SLC2A13: variants seen among roughly 807,000 people sequenced by gnomAD.
SLC2A13 encodes solute carrier family 2 member 13, also known as proton myo-inositol cotransporter.
SLC2A13 carries 32 observed loss-of-function variants against 64.4 expected under a neutral mutation model. The observed-to-expected ratio is 0.50, with a 90% CI of 0.37 to 0.67. SLC2A13 has a LOEUF of 0.67. SLC2A13 is among the 30% of genes least tolerant of loss of function. The pLI is 0.00. For missense variants in SLC2A13, 743 were observed against 829.2 expected (o/e 0.90, Z 1.28); for synonymous variants, 338 against 327.1 (o/e 1.03, Z -0.36).
chr12:39,918,844 T>A (rs1945563522), intron 4 of SLC2A13, among the ~76,000 whole-genome samples: 1 of 105,494 alleles, frequency 9.5e-6, no homozygotes, highest in Non-Finnish European at 1.9e-5. Flanking sequence ...AGAGTGAGAC[T>A]CTGTCTCAAA....
intron 2 of SLC2A13, among the ~76,000 whole-genome samples, chr12:40,041,517 T>C (rs1173069471): frequency 1.3e-5 from 2 of 152,240 alleles, no homozygotes; most frequent in Non-Finnish European, 2.9e-5. Flanking sequence ...TATCCATCAT[T>C]TATTCAACAG....
intron 7 of SLC2A13, among the ~76,000 whole-genome samples, chr12:39,776,907 A>G (rs759700527): frequency 3.5e-4 from 54 of 152,168 alleles, no homozygotes; most frequent in Non-Finnish European, 6.5e-4. Flanking sequence ...AGGTTTTTCT[A>G]TGTTGGCAAC....
At chr12:39,995,348 A>T (rs1189322655) in intron 3 of SLC2A13, among the ~76,000 whole-genome samples, 4 of 151,806 alleles carry the variant, frequency 2.6e-5, no homozygotes, top group Non-Finnish European at 5.9e-5. Flanking sequence ...ATTAACTATA[A>T]CCTCCCTACT....
chr12:40,024,656 T>G (rs79176833), intron 3 of SLC2A13, among the ~76,000 whole-genome samples: 2 of 152,172 alleles, frequency 1.3e-5, no homozygotes, highest in Non-Finnish European at 2.9e-5. Context: ...GTGTGCCTTA[T>G]CCAATGAGAA....
At chr12:40,036,286 A>G (rs1481414946) in intron 2 of SLC2A13, among the ~76,000 whole-genome samples, 1 of 152,222 alleles carries the variant, frequency 6.6e-6, no homozygotes, top group Non-Finnish European at 1.5e-5. Context: ...GGAATATAAC[A>G]GAGAAATCCA....
intron 7 of SLC2A13, among the ~76,000 whole-genome samples, chr12:39,770,412 C>G (rs1292426681): frequency 6.6e-6 from 1 of 152,154 alleles, no homozygotes; most frequent in African/African-American, 2.4e-5. Context: ...AATCGTGACT[C>G]TACCACTTAA....
At chr12:39,975,226 A>G (rs1040290936) in intron 3 of SLC2A13, among the ~76,000 whole-genome samples, 1 of 152,212 alleles carries the variant, frequency 6.6e-6, no homozygotes, top group African/African-American at 2.4e-5. Context: ...TCCTAATTTT[A>G]AAAGCACTCC....
At chr12:39,816,491 A>T (rs1942345148) in intron 7 of SLC2A13, among the ~76,000 whole-genome samples, 1 of 151,246 alleles carries the variant, frequency 6.6e-6, no homozygotes, top group African/African-American at 2.4e-5. Context: ...ATGACGAGTT[A>T]ATGGGTGCAG....
chr12:39,885,372 AGTAAT>A (rs1944442479), intron 4 of SLC2A13, among the ~76,000 whole-genome samples: 1 of 152,206 alleles, frequency 6.6e-6, no homozygotes, highest in Admixed American at 6.5e-5. Flanking sequence ...AAGGTGCTAA[AGTAAT>A]GGGCTTTATT....
chr12:40,074,679 T>C (rs1360292602), intron 1 of SLC2A13, among the ~76,000 whole-genome samples: 1 of 152,182 alleles, frequency 6.6e-6, no homozygotes, highest in Admixed American at 6.5e-5. Flanking sequence ...TGATGTTTGC[T>C]CTGTCTCTTC....
chr12:40,040,659 T>A (rs1178523020), intron 2 of SLC2A13, among the ~76,000 whole-genome samples: 1 of 152,210 alleles, frequency 6.6e-6, no homozygotes, highest in East Asian at 1.9e-4. Context: ...CCCAAAGTGC[T>A]GGGATTACAG....
At chr12:40,031,270 C>G (rs1277957394) in intron 2 of SLC2A13, among the ~76,000 whole-genome samples, 1 of 151,980 alleles carries the variant, frequency 6.6e-6, no homozygotes, top group Non-Finnish European at 1.5e-5. Flanking sequence ...TTGCCCAGGC[C>G]GGAGTGTAGT....
intron 2 of SLC2A13, among the ~76,000 whole-genome samples, chr12:40,037,713 TAA>T (rs1948014602): frequency 6.6e-6 from 1 of 151,942 alleles, no homozygotes; most frequent in South Asian, 2.1e-4. Flanking sequence ...GCTTCTTTAA[TAA>T]ATAAAAGGAT....
At chr12:40,082,643 G>C (rs552521816) in intron 1 of SLC2A13, among the ~76,000 whole-genome samples, 7 of 152,324 alleles carry the variant, frequency 4.6e-5, no homozygotes, top group Non-Finnish European at 8.8e-5. Context: ...AAGCCACCTA[G>C]AGGAGTACAG....
At chr12:39,782,880 A>G (rs980458361) in intron 7 of SLC2A13, among the ~76,000 whole-genome samples, 1 of 151,978 alleles carries the variant, frequency 6.6e-6, no homozygotes, top group South Asian at 2.1e-4. Context: ...TATTATTATT[A>G]TTTTTTATAC....
intron 1 of SLC2A13, among the ~76,000 whole-genome samples, chr12:40,096,925 G>C (rs1324547761): frequency 6.6e-6 from 1 of 151,958 alleles, no homozygotes; most frequent in East Asian, 1.9e-4. Context: ...ACCATATTTC[G>C]CTTTCACAAT....
At chr12:40,042,361 T>A (rs1401706027) in intron 2 of SLC2A13, among the ~76,000 whole-genome samples, 1 of 152,134 alleles carries the variant, frequency 6.6e-6, no homozygotes, top group Non-Finnish European at 1.5e-5. Context: ...TATATACTTG[T>A]AAACACAGAG....
intron 4 of SLC2A13, among the ~76,000 whole-genome samples, chr12:39,922,664 T>G (rs1457273316): frequency 5.3e-5 from 8 of 152,220 alleles, no homozygotes; most frequent in African/African-American, 1.9e-4. Context: ...TGTATGGGGG[T>G]TTTTCCTTAA....
chr12:39,935,118 G>A (rs1228418267), intron 4 of SLC2A13, among the ~76,000 whole-genome samples: 7 of 152,258 alleles, frequency 4.6e-5, no homozygotes, highest in African/African-American at 9.6e-5. Context: ...GGCTGGGACC[G>A]GTGGCTCATG....
Sources: allele counts gnomAD v4.1 joint callset (sites outside exome capture counted in the v4.1 genomes callset), GRCh38; gene constraint gnomAD v4.1.1; transcripts MANE v1.5; gene names NCBI Gene and HGNC (gene_info 2026-07-23, HGNC 2026-07-21).